ABI3BP: variants seen among roughly 807,000 people sequenced by gnomAD.
ABI3BP encodes target of Nesh-SH3.
In ABI3BP, 216 loss-of-function variants were observed where a neutral mutation model predicts 268.6. The ratio of observed to expected loss-of-function variants is 0.80; its 90% CI spans 0.72 to 0.90. The LOEUF is 0.90. Ranked by LOEUF, ABI3BP falls within the 40% of genes least tolerant of loss-of-function variation. The probability of loss-of-function intolerance (pLI) is 0.00; values close to 1 mark genes in which losing one functional copy is unlikely to be tolerated. For synonymous variants in ABI3BP, 730 were observed against 730.0 expected (o/e 1.00, Z 0.00); for missense variants, 2,090 against 2,182.4 (o/e 0.96, Z 0.84).
chr3:100,804,431 A>C (rs2097640322), intron 51 of ABI3BP, among the ~76,000 whole-genome samples: 1 of 152,172 alleles, frequency 6.6e-6, no homozygotes, highest in Admixed American at 6.6e-5. Context: ...ATTTGTAAAA[A>C]CACTAATTTA....
chr3:100,964,373 A>C (rs966365054), intron 1 of ABI3BP, among the ~76,000 whole-genome samples: 18 of 152,280 alleles, frequency 1.2e-4, no homozygotes, highest in African/African-American at 4.3e-4. Context: ...CATAAATCAG[A>C]CACCACTTCC....
chr3:100,873,568 A>G (rs889386256), intron 9 of ABI3BP, among the ~76,000 whole-genome samples: 1 of 152,170 alleles, frequency 6.6e-6, no homozygotes, highest in Non-Finnish European at 1.5e-5. Context: ...GCAAGCCCTG[A>G]CCTGACCAGA....
At chr3:100,946,080 G>A (rs191102663) in intron 1 of ABI3BP, among the ~76,000 whole-genome samples, 64 of 152,104 alleles carry the variant, frequency 4.2e-4, no homozygotes, top group African/African-American at 1.4e-3. Context: ...CATTAAGGAA[G>A]ATGAGATTGG....
intron 6 of ABI3BP, among the ~76,000 whole-genome samples, chr3:100,882,050 C>G (rs934044805): frequency 1.3e-5 from 2 of 152,114 alleles, no homozygotes; most frequent in Admixed American, 6.6e-5. Context: ...GGACAGCCTA[C>G]AGTTCAAGTT....
At chr3:100,822,709 A>G in intron 37 of ABI3BP, 37 bp from the exon 38 acceptor site, 1 of 1,501,218 alleles carries the variant, frequency 6.7e-7, no homozygotes, top group Non-Finnish European at 9.0e-7. Context: ...ACATAACTGC[A>G]TTATCTATGA....
intron 1 of ABI3BP, among the ~76,000 whole-genome samples, chr3:100,965,187 C>T (rs1322037780): frequency 6.6e-6 from 1 of 152,116 alleles, no homozygotes; most frequent in African/African-American, 2.4e-5. Context: ...TCTGATCTAG[C>T]AGAATCATGA....
chr3:100,867,249 T>A (rs1195962802), intron 9 of ABI3BP, among the ~76,000 whole-genome samples: 2 of 152,158 alleles, frequency 1.3e-5, no homozygotes, highest in African/African-American at 4.8e-5. Flanking sequence ...CTCAAAGTCA[T>A]CTGATTGATA....
chr3:100,876,370 C>A (rs2099160907), intron 7 of ABI3BP, 142 bp downstream of exon 7: 4 of 743,618 alleles, frequency 5.4e-6, no homozygotes. Flanking sequence ...TTCCAGTTTA[C>A]TAGACCATTA....
At chr3:100,891,151 A>G (rs2044461052) in intron 4 of ABI3BP, among the ~76,000 whole-genome samples, 1 of 152,204 alleles carries the variant, frequency 6.6e-6, no homozygotes, top group African/African-American at 2.4e-5. Context: ...TAGGATCATG[A>G]TAAGGCAAAT....
intron 56 of ABI3BP, 69 bp downstream of exon 56, chr3:100,789,385 G>T: frequency 6.9e-7 from 1 of 1,446,008 alleles, no homozygotes; most frequent in Non-Finnish European, 9.5e-7. Flanking sequence ...TGGTGTATTT[G>T]GCTATTTCAG....
Position 100,822,663 on chromosome 3 carries a change from G to A in ABI3BP, c.2813C>T (p.Thr938Ile), listed in dbSNP as rs1283673847. 3.9e-6 allele frequency: 6 copies of A among 1,536,462 alleles called. No individual in the cohort carries two copies. The highest frequency in any genetic ancestry group is 4.4e-6 in the Non-Finnish European group (5 of 1,146,930). The change falls in exon 38 of 68, where the codon ACA (threonine) becomes ATA (isoleucine). Residue 938 changes from threonine (T) to isoleucine (I), a missense_variant. Transcript: ENST00000471714. ...PEASTTLASK[T>I]SQRTRRPRLR... ...ACGTGGACGACGTGTCCGTTGTGATGTTTTGGAAGCTGAAGGAAGAAGTTC... is the reference window on the plus strand; with the variant it reads ...ACGTGGACGACGTGTCCGTTGTGATATTTTGGAAGCTGAAGGAAGAAGTTC...
intron 57 of ABI3BP, among the ~76,000 whole-genome samples, chr3:100,785,564 T>A (rs1361570566): frequency 3.3e-5 from 5 of 152,208 alleles, no homozygotes; most frequent in Non-Finnish European, 7.3e-5. Flanking sequence ...TTTATGCCAT[T>A]TACTTCTTTT....
intron 14 of ABI3BP, 137 bp from the exon 15 acceptor site, chr3:100,852,077 G>A (rs933292387): frequency 2.6e-5 from 19 of 734,940 alleles, no homozygotes; most frequent in Middle Eastern, 8.0e-4. Flanking sequence ...TTTGGCTCCA[G>A]GCTGCCAGCC....
intron 7 of ABI3BP, 56 bp from the exon 8 acceptor site, chr3:100,875,635 G>A (rs1242584713): frequency 3.9e-6 from 5 of 1,275,894 alleles, no homozygotes; most frequent in Non-Finnish European, 5.7e-6. Context: ...GCAGTAAGAA[G>A]CTAATAATGT....
chr3:100,832,649 G>A (rs922991574), intron 30 of ABI3BP, among the ~76,000 whole-genome samples: 1 of 152,014 alleles, frequency 6.6e-6, no homozygotes, highest in Non-Finnish European at 1.5e-5. Context: ...TGTGAGAGAG[G>A]TTCTAACCAA....
At chr3:100,889,765 G>A (rs1267297649) in intron 4 of ABI3BP, among the ~76,000 whole-genome samples, 1 of 152,106 alleles carries the variant, frequency 6.6e-6, no homozygotes, top group Non-Finnish European at 1.5e-5. Flanking sequence ...CACCTGAATA[G>A]TCTCAATACT....
intron 4 of ABI3BP, among the ~76,000 whole-genome samples, chr3:100,892,113 TGA>T (rs1289836077): frequency 6.6e-6 from 1 of 152,224 alleles, no homozygotes; most frequent in African/African-American, 2.4e-5. Flanking sequence ...GTATATTTCT[TGA>T]GAGATTCTAT....
intron 1 of ABI3BP, among the ~76,000 whole-genome samples, chr3:100,970,035 AGG>A (rs1488473856): frequency 1.3e-5 from 2 of 152,174 alleles, no homozygotes; most frequent in Non-Finnish European, 2.9e-5. Flanking sequence ...TCATAGGTAC[AGG>A]TCTAGCCTAA....
At chr3:100,921,561 A>C (rs79807134) in intron 2 of ABI3BP, among the ~76,000 whole-genome samples, 1 of 152,078 alleles carries the variant, frequency 6.6e-6, no homozygotes, top group East Asian at 1.9e-4. Flanking sequence ...TGAAATGTGA[A>C]TCATGTTTTA....
Sources: allele counts gnomAD v4.1 joint callset (sites outside exome capture counted in the v4.1 genomes callset), GRCh38; gene constraint gnomAD v4.1.1; transcripts MANE v1.5; gene names NCBI Gene and HGNC (gene_info 2026-07-23, HGNC 2026-07-21).